MAF: variants seen among roughly 807,000 people sequenced by gnomAD.
The protein encoded by MAF is transcription factor Maf.
In MAF, 10 loss-of-function variants were observed where a neutral mutation model predicts 22.0. The observed-to-expected ratio is 0.45, with a 90% CI of 0.28 to 0.77. MAF has a LOEUF of 0.77. Ranked by LOEUF, MAF falls within the 30% of genes least tolerant of loss-of-function variation. MAF has a pLI of 0.12. For missense variants in MAF, 544 were observed against 548.4 expected (o/e 0.99, Z 0.08); for synonymous variants, 337 against 255.8 (o/e 1.32, Z -3.03).
chr16:79,356,482 C>T, the MAF span, among the ~76,000 whole-genome samples: 1 of 152,152 alleles, frequency 6.6e-6, no homozygotes, highest in South Asian at 2.1e-4. Context: ...TTTCTCCCTG[C>T]CTTCCTCACG....
At chr16:79,436,763 G>A in the MAF span, among the ~76,000 whole-genome samples, 2 of 152,128 alleles carry the variant, frequency 1.3e-5, no homozygotes, top group South Asian at 2.1e-4. Flanking sequence ...CTAAGATGAC[G>A]TGATGCCCTC....
chr16:79,498,972 C>G, the MAF span, among the ~76,000 whole-genome samples: 1 of 152,114 alleles, frequency 6.6e-6, no homozygotes, highest in Non-Finnish European at 1.5e-5. Context: ...AAGATACTTC[C>G]AAGATTCTCC....
the MAF span, among the ~76,000 whole-genome samples, chr16:79,532,688 A>G: frequency 0.74 from 112,858 of 152,220 alleles, 43,812 homozygotes; most frequent in Non-Finnish European, 0.86. Flanking sequence ...GTCATAAAGC[A>G]TTCGTGTGTG....
chr16:79,217,853 G>C, the MAF span, among the ~76,000 whole-genome samples: 3 of 151,996 alleles, frequency 2.0e-5, no homozygotes, highest in Admixed American at 1.3e-4. Flanking sequence ...GGGGTTATGA[G>C]TGGTTTTGTT....
chr16:79,397,041 C>A, the MAF span, among the ~76,000 whole-genome samples: 1 of 152,218 alleles, frequency 6.6e-6, no homozygotes, highest in African/African-American at 2.4e-5. Context: ...GTTGACTCAT[C>A]TGTAAAATGG....
At chr16:79,464,141 A>G in the MAF span, among the ~76,000 whole-genome samples, 6 of 152,188 alleles carry the variant, frequency 3.9e-5, no homozygotes, top group African/African-American at 1.4e-4. Flanking sequence ...ACAAGGTCTT[A>G]AGGCTGGAAA....
At chr16:79,286,793 A>T in the MAF span, among the ~76,000 whole-genome samples, 1 of 152,002 alleles carries the variant, frequency 6.6e-6, no homozygotes, top group Non-Finnish European at 1.5e-5. Context: ...CTCCCACACA[A>T]CCCAGGACAC....
At chr16:79,466,106 G>C in the MAF span, among the ~76,000 whole-genome samples, 3 of 152,064 alleles carry the variant, frequency 2.0e-5, no homozygotes, top group African/African-American at 7.2e-5. Context: ...TCGCTTTTAG[G>C]GATCTCCAGA....
the MAF span, among the ~76,000 whole-genome samples, chr16:79,395,047 T>C: frequency 6.6e-6 from 1 of 152,168 alleles, no homozygotes; most frequent in Non-Finnish European, 1.5e-5. Context: ...TGAATATATA[T>C]TGTGCCAGGA....
At chr16:79,480,921 G>A in the MAF span, among the ~76,000 whole-genome samples, 1 of 152,158 alleles carries the variant, frequency 6.6e-6, no homozygotes, top group Non-Finnish European at 1.5e-5. Flanking sequence ...GGAGATGGGT[G>A]GGCAGTTGTG....
chr16:79,205,336 T>G, the MAF span: 7 of 152,360 alleles, frequency 4.6e-5, no homozygotes, highest in African/African-American at 1.7e-4. Context: ...ACTCTTCACC[T>G]GTCATGGGAG....
chr16:79,562,529 C>G, the MAF span, among the ~76,000 whole-genome samples: 1 of 152,136 alleles, frequency 6.6e-6, no homozygotes, highest in Non-Finnish European at 1.5e-5. Context: ...GACCACAAAA[C>G]ATTTCTTTAC....
the MAF span, among the ~76,000 whole-genome samples, chr16:79,541,243 A>G: frequency 6.6e-5 from 10 of 152,356 alleles, no homozygotes; most frequent in South Asian, 1.9e-3. Context: ...ATGCGTTTAC[A>G]GCAACCACAC....
At chr16:79,325,867 C>T in the MAF span, among the ~76,000 whole-genome samples, 1 of 152,096 alleles carries the variant, frequency 6.6e-6, no homozygotes, top group Admixed American at 6.6e-5. Context: ...ACAGACGGCC[C>T]CAGTCTAGGC....
chr16:79,340,441 G>A, the MAF span, among the ~76,000 whole-genome samples: 2 of 150,794 alleles, frequency 1.3e-5, no homozygotes, highest in African/African-American at 4.9e-5. Flanking sequence ...TATTCCCAGT[G>A]CCTGGCACTG....
At chr16:79,509,905 G>C in the MAF span, among the ~76,000 whole-genome samples, 1 of 152,172 alleles carries the variant, frequency 6.6e-6, no homozygotes, top group Admixed American at 6.5e-5. Context: ...TGGAGCAACT[G>C]GGTTGAAAGG....
the MAF span, among the ~76,000 whole-genome samples, chr16:79,234,258 A>C: frequency 6.6e-6 from 1 of 152,036 alleles, no homozygotes; most frequent in Non-Finnish European, 1.5e-5. Context: ...TTCCACACAG[A>C]CCATACTATT....
chr16:79,364,111 T>A, the MAF span, among the ~76,000 whole-genome samples: 1 of 152,120 alleles, frequency 6.6e-6, no homozygotes, highest in Non-Finnish European at 1.5e-5. Flanking sequence ...GGAAATTTGG[T>A]GAGAGGAGCT....
chr16:79,240,745 T>C, the MAF span, among the ~76,000 whole-genome samples: 1 of 151,790 alleles, frequency 6.6e-6, no homozygotes, highest in Admixed American at 6.6e-5. Context: ...TTGTCTCCTG[T>C]TTGGGAGACA....
Sources: gnomAD v4.1 joint callset for allele counts (sites outside exome capture counted in the v4.1 genomes callset) on GRCh38, gnomAD v4.1.1 for gene constraint, MANE v1.5 for transcripts, NCBI Gene and HGNC (gene_info 2026-07-23, HGNC 2026-07-21) for gene names.